The following FHIP2A variants were observed in gnomAD, a reference collection of about 807,000 sequenced individuals.
The protein encoded by FHIP2A is FHF complex subunit HOOK interacting protein 2A, also known as family with sequence similarity 160 member B1.
A neutral mutation model predicts 93.5 loss-of-function variants in FHIP2A; 46 were observed. The observed-to-expected ratio is 0.49, with a 90% CI of 0.39 to 0.63. The LOEUF is 0.63. Ranked by LOEUF, FHIP2A falls within the 20% of genes least tolerant of loss-of-function variation. FHIP2A has a pLI of 0.00. For synonymous variants in FHIP2A, 332 were observed against 326.5 expected (o/e 1.02, Z -0.18); for missense variants, 769 against 909.7 (o/e 0.85, Z 1.99).
At chr10:114,857,605 T>A (rs1239112655) in intron 14 of FHIP2A, among the ~76,000 whole-genome samples, 1 of 152,160 alleles carries the variant, frequency 6.6e-6, no homozygotes, top group African/African-American at 2.4e-5. Flanking sequence ...CCACCACGCC[T>A]GGCCTTCTTC....
intron 16 of FHIP2A, among the ~76,000 whole-genome samples, chr10:114,872,258 A>G (rs1053023854): frequency 1.3e-5 from 2 of 152,218 alleles, no homozygotes; most frequent in African/African-American, 4.8e-5. Flanking sequence ...CACAAGGCAG[A>G]GAGGCCTTGG....
At chr10:114,844,064 G>T (rs2083685962) in intron 7 of FHIP2A, 127 bp downstream of exon 7, 1 of 628,734 alleles carries the variant, frequency 1.6e-6, no homozygotes, top group Non-Finnish European at 2.5e-6. Flanking sequence ...CATTAAATGG[G>T]AATATTTTCT....
intron 13 of FHIP2A, among the ~76,000 whole-genome samples, chr10:114,854,459 T>A (rs2083755295): frequency 6.6e-6 from 1 of 151,692 alleles, no homozygotes; most frequent in South Asian, 2.1e-4. Context: ...GCCATTGCAC[T>A]CCATCCTGGG....
intron 16 of FHIP2A, among the ~76,000 whole-genome samples, chr10:114,883,193 T>C (rs1015060716): frequency 1.3e-5 from 2 of 152,184 alleles, no homozygotes; most frequent in Admixed American, 6.5e-5. Flanking sequence ...AGATGAAACA[T>C]GGAATAGCAG....
chr10:114,827,593 C>G (rs1337677618), intron 1 of FHIP2A, among the ~76,000 whole-genome samples: 1 of 152,054 alleles, frequency 6.6e-6, no homozygotes, highest in Non-Finnish European at 1.5e-5. Context: ...GTCAGGAGAT[C>G]GAGACCATCC....
chr10:114,888,752 G>A (rs1408835861), intron 16 of FHIP2A, among the ~76,000 whole-genome samples: 3 of 151,984 alleles, frequency 2.0e-5, no homozygotes, highest in East Asian at 1.9e-4. Flanking sequence ...ACAATCACCC[G>A]CCACCATGCC....
chr10:114,839,831 A>C (rs933888584), intron 5 of FHIP2A, among the ~76,000 whole-genome samples: 5 of 149,504 alleles, frequency 3.3e-5, no homozygotes, highest in Admixed American at 2.7e-4. Flanking sequence ...GCAGTAAGCC[A>C]AGATCACGCC....
intron 5 of FHIP2A, among the ~76,000 whole-genome samples, chr10:114,840,731 A>G (rs1431253353): frequency 6.6e-6 from 1 of 152,216 alleles, no homozygotes; most frequent in Non-Finnish European, 1.5e-5. Context: ...TCCTGAACCA[A>G]TAAGGCTGCT....
chr10:114,822,271 G>A (rs1013525708), intron 1 of FHIP2A, 148 bp downstream of exon 1: 87 of 257,618 alleles, frequency 3.4e-4, no homozygotes, highest in Non-Finnish European at 4.6e-4. Flanking sequence ...GGGCGCCCTG[G>A]GCGGCCGCCG....
At chr10:114,838,801 A>C in intron 5 of FHIP2A, among the ~76,000 whole-genome samples, 1 of 152,248 alleles carries the variant, frequency 6.6e-6, no homozygotes, top group East Asian at 1.9e-4. Context: ...ACCTCACTAC[A>C]GAGAACACCC....
In FHIP2A at chr10:114,835,641, G is replaced by T. The variant is rs1158334822; in HGVS notation, c.399G>T (p.Gln133His). ...LPHINVHRPV[Q>H]KLIRLCGEVL... ...ACATTAACGTGCACAGGCCAGTGCA[G>T]GTATTTTGTTCCCCCTACATAAAAT... Residue 133 changes from glutamine to histidine, a missense_variant and splice_region_variant, in exon 4 of 17, where the codon CAG (glutamine) becomes CAT (histidine). By Grantham distance (24) the Gln-to-His change is conservative (BLOSUM62 0). Transcript: ENST00000369248. 6.6e-7 allele frequency: 1 copy of T among 1,515,816 alleles called. No homozygotes were observed. The allele number at this position is 1,515,816 out of a possible 1,614,324, so 93.9% of individuals were successfully genotyped here. A position where few individuals can be genotyped will look rare whatever the true frequency, so the allele number is the denominator to read the frequency against.
chr10:114,847,660 G>C (rs1332467869), intron 12 of FHIP2A, among the ~76,000 whole-genome samples: 2 of 152,168 alleles, frequency 1.3e-5, no homozygotes, highest in Middle Eastern at 6.8e-3. Context: ...TGTAACAAGT[G>C]CCAGGCTGCG....
chr10:114,857,189 A>T (rs2083771772), intron 14 of FHIP2A, among the ~76,000 whole-genome samples: 1 of 152,030 alleles, frequency 6.6e-6, no homozygotes. Flanking sequence ...GATCTCAGAG[A>T]TAAAACACAA....
At chr10:114,865,351 C>A (rs2083823468), downstream of FHIP2A, among the ~76,000 whole-genome samples, 1 of 152,026 alleles carries the variant, frequency 6.6e-6, no homozygotes, top group African/African-American at 2.4e-5. Context: ...AAAAACTTTT[C>A]TTTTTAGCTG....
downstream of FHIP2A, among the ~76,000 whole-genome samples, chr10:114,868,228 G>A (rs1347228178): frequency 2.6e-5 from 4 of 152,310 alleles, no homozygotes; most frequent in East Asian, 5.8e-4. Context: ...GTGGCCGGTT[G>A]GGAACTGGGC....
At position 114,855,191 on chromosome 10, in the gene FHIP2A, C is replaced by A. The variant is rs1278856137; in HGVS notation, c.1804-6C>A. On this transcript the variant is annotated splice_polypyrimidine_tract_variant and splice_region_variant and intron_variant, in intron 13 of 16. Transcript: ENST00000369248. ...TTTAATGATTCACATGCTTTTTTCC[C>A]CCTAGTTCCGAGACTACTGTGCTAT... 1 of 1,599,674 alleles carries A rather than the reference C, an allele frequency of 6.3e-7. No homozygotes were observed. Among genetic ancestry groups the A allele is most frequent in the South Asian group, 1.1e-5 (1 of 87,834 alleles).
chr10:114,822,091 T>C lies in FHIP2A; in HGVS notation c.13T>C (p.Phe5Leu). The C allele has an allele frequency of 1.5e-6, 2 of 1,341,776 alleles. No homozygotes were observed. 83.1% of individuals were successfully genotyped at this position (1,341,776 alleles called of 1,614,324 possible). A position where few individuals can be genotyped will look rare whatever the true frequency, so the allele number is the denominator to read the frequency against. Residue 5 changes from phenylalanine to leucine, a missense_variant, in exon 1 of 17, where the codon TTC (phenylalanine) becomes CTC (leucine). Phe to Leu is a conservative substitution (Grantham distance 22, BLOSUM62 0). Transcript: ENST00000369248. The stretch of plus-strand genomic sequence containing the variant: ...GTCCCGGGACAGGATGTTCTCCAAG[T>C]TCACCTCCATCCTGCAGCACGCCGT... Reference protein sequence around the residue: MFSKFTSILQHAVEA... With the variant: MFSKLTSILQHAVEA...
intron 5 of FHIP2A, among the ~76,000 whole-genome samples, chr10:114,841,068 G>A (rs1443028693): frequency 1.3e-5 from 2 of 152,010 alleles, no homozygotes; most frequent in Non-Finnish European, 2.9e-5. Flanking sequence ...TATTCAACAG[G>A]TCCGGATGGG....
intron 16 of FHIP2A, among the ~76,000 whole-genome samples, chr10:114,898,378 C>T (rs1387726810): frequency 6.6e-6 from 1 of 152,180 alleles, no homozygotes; most frequent in Non-Finnish European, 1.5e-5. Context: ...CATTCATACT[C>T]TTGCAAGTTT....
Sources: gnomAD v4.1 joint callset for allele counts (sites outside exome capture counted in the v4.1 genomes callset) on GRCh38, gnomAD v4.1.1 for gene constraint, MANE v1.5 for transcripts, NCBI Gene and HGNC (gene_info 2026-07-23, HGNC 2026-07-21) for gene names.